The following GRM7 variants were observed in gnomAD, a reference collection of about 807,000 sequenced individuals.
The protein encoded by GRM7 is glutamate metabotropic receptor 7, also known as metabotropic glutamate receptor 7.
GRM7 carries 35 observed loss-of-function variants against 84.5 expected under a neutral mutation model. The ratio of observed to expected loss-of-function variants is 0.41; its 90% CI spans 0.32 to 0.55. GRM7 has a LOEUF of 0.55. Ranked by LOEUF, GRM7 falls within the 20% of genes least tolerant of loss-of-function variation. The probability of loss-of-function intolerance (pLI) is 0.19; values close to 1 mark genes in which losing one functional copy is unlikely to be tolerated. For synonymous variants in GRM7, 487 were observed against 455.1 expected, an observed-to-expected ratio of 1.07 and a Z score of -0.89; for missense variants, 1,003 against 1,194.6, an observed-to-expected ratio of 0.84 and a Z score of 2.36.
chr3:7,461,166 T>C (rs1187725354), intron 6 of GRM7, among the ~76,000 whole-genome samples: 5 of 152,218 alleles, frequency 3.3e-5, no homozygotes, highest in Admixed American at 1.3e-4. Flanking sequence ...ATTAATTTGT[T>C]GTTTTTGAAA....
At chr3:7,369,081 C>A (rs997980365) in intron 4 of GRM7, among the ~76,000 whole-genome samples, 3 of 151,978 alleles carry the variant, frequency 2.0e-5, no homozygotes, top group African/African-American at 7.2e-5. Context: ...TTTTAAGAGG[C>A]AGGGTCTTTC....
intron 7 of GRM7, among the ~76,000 whole-genome samples, chr3:7,529,845 AC>A (rs1700959355): frequency 6.6e-6 from 1 of 151,898 alleles, no homozygotes; most frequent in Non-Finnish European, 1.5e-5. Context: ...AACCTGGGGA[AC>A]AAATAAGCTG....
At chr3:7,445,687 G>C (rs999025248) in intron 5 of GRM7, among the ~76,000 whole-genome samples, 1 of 152,140 alleles carries the variant, frequency 6.6e-6, no homozygotes, top group Non-Finnish European at 1.5e-5. Flanking sequence ...TCTAAATGTG[G>C]ACACTATGAA....
intron 8 of GRM7, among the ~76,000 whole-genome samples, chr3:7,609,176 G>A (rs1176705932): frequency 1.3e-5 from 2 of 152,040 alleles, no homozygotes; most frequent in African/African-American, 4.8e-5. Context: ...TCCTCAAAGT[G>A]GCAAGAAAGA....
At chr3:7,512,813 G>C (rs1468624966) in intron 7 of GRM7, among the ~76,000 whole-genome samples, 1 of 152,064 alleles carries the variant, frequency 6.6e-6, no homozygotes, top group African/African-American at 2.4e-5. Flanking sequence ...ACGTTTTTGG[G>C]GGAGTGCAGA....
intron 9 of GRM7, among the ~76,000 whole-genome samples, chr3:7,689,931 A>G (rs987799669): frequency 3.3e-5 from 5 of 152,068 alleles, no homozygotes; most frequent in Non-Finnish European, 7.4e-5. Context: ...TAAGTAATAG[A>G]CTCAAAGGTG....
intron 7 of GRM7, among the ~76,000 whole-genome samples, chr3:7,493,399 T>C (rs1699593020): frequency 7.0e-6 from 1 of 143,690 alleles, no homozygotes; most frequent in African/African-American, 2.8e-5. Context: ...GATTGATCCT[T>C]TTTTTTTCTC....
intron 7 of GRM7, among the ~76,000 whole-genome samples, chr3:7,498,501 A>G (rs1398187662): frequency 6.6e-6 from 1 of 152,160 alleles, no homozygotes; most frequent in Non-Finnish European, 1.5e-5. Context: ...GTGTTCTAAT[A>G]ATTAGGAGTG....
At chr3:7,401,308 G>A (rs76672332) in intron 4 of GRM7, among the ~76,000 whole-genome samples, 1 of 152,276 alleles carries the variant, frequency 6.6e-6, no homozygotes, top group African/African-American at 2.4e-5. Flanking sequence ...TCAGAGTGCT[G>A]CCTGCTCCTT....
intron 1 of GRM7, among the ~76,000 whole-genome samples, chr3:7,112,981 G>C (rs113529446): frequency 3.3e-3 from 502 of 152,216 alleles, no homozygotes; most frequent in Middle Eastern, 0.01. Flanking sequence ...GACAGCACTA[G>C]CATCAAACTT....
chr3:7,052,421 A>AATTT (rs1290789137), intron 1 of GRM7, among the ~76,000 whole-genome samples: 1 of 151,594 alleles, frequency 6.6e-6, no homozygotes, highest in African/African-American at 2.4e-5. Context: ...TTACATATAA[A>AATTT]ATTTATCAAT....
intron 1 of GRM7, among the ~76,000 whole-genome samples, chr3:6,968,022 A>G (rs1693596282): frequency 6.6e-6 from 1 of 152,206 alleles, no homozygotes; most frequent in Admixed American, 6.5e-5. Flanking sequence ...AGACTTGTGT[A>G]TTCCCTAGGG....
At chr3:7,183,701 TAAAG>T (rs1695421683) in intron 2 of GRM7, among the ~76,000 whole-genome samples, 1 of 152,278 alleles carries the variant, frequency 6.6e-6, no homozygotes, top group African/African-American at 2.4e-5. Flanking sequence ...GAGTCTGGCA[TAAAG>T]AAAGTGCTTA....
intron 8 of GRM7, among the ~76,000 whole-genome samples, chr3:7,609,001 C>T (rs1442318064): frequency 3.9e-5 from 6 of 152,102 alleles, no homozygotes; most frequent in East Asian, 1.9e-4. Context: ...TTTTTGTCAG[C>T]TTTGTCAAAG....
intron 8 of GRM7, among the ~76,000 whole-genome samples, chr3:7,653,809 G>A (rs559860882): frequency 2.8e-4 from 42 of 152,270 alleles, no homozygotes; most frequent in Admixed American, 1.4e-3. Flanking sequence ...TCCTTTGAGC[G>A]TCACCTTGAT....
chr3:7,351,998 A>G (rs888145746), intron 4 of GRM7, among the ~76,000 whole-genome samples: 3 of 151,314 alleles, frequency 2.0e-5, no homozygotes, highest in Non-Finnish European at 4.4e-5. Context: ...ATTCCCCCTG[A>G]TAAATATATT....
rs190083468 is a variant in GRM7, at chr3:7,740,768, G to A, written c.*362G>A. On this transcript the variant is annotated 3_prime_UTR_variant, in exon 10 of 10. Coordinates refer to ENST00000357716, the MANE Select transcript of GRM7 (RefSeq NM_000844.4). ...TTACGTATGTACTTCTAGGTTGCAA[G>A]GTTTTGAAATTTTCTGTACAGTTTG... is the stretch of plus-strand genomic sequence containing the variant. 12 of 184,168 alleles carry A rather than the reference G, an allele frequency of 6.5e-5. No homozygotes were observed. Among genetic ancestry groups the A allele is most frequent in the African/African-American group, 2.6e-4 (11 of 42,954 alleles). 11.4% of individuals were successfully genotyped at this position (184,168 alleles called of 1,614,324 possible). A position where few individuals can be genotyped will look rare whatever the true frequency, so the allele number is the denominator to read the frequency against.
chr3:7,112,287 C>T (rs899873546), intron 1 of GRM7, among the ~76,000 whole-genome samples: 12 of 151,328 alleles, frequency 7.9e-5, no homozygotes, highest in Non-Finnish European at 1.2e-4. Context: ...TGCAGTGGCA[C>T]GATCTCAGCT....
intron 1 of GRM7, among the ~76,000 whole-genome samples, chr3:6,954,279 T>A (rs561089539): frequency 7.7e-4 from 118 of 152,338 alleles, no homozygotes; most frequent in African/African-American, 2.5e-3. Context: ...ACCTTGTTGT[T>A]AACTATAGTC....
Sources: gnomAD v4.1 joint callset for allele counts (sites outside exome capture counted in the v4.1 genomes callset) on GRCh38, gnomAD v4.1.1 for gene constraint, MANE v1.5 for transcripts, NCBI Gene and HGNC (gene_info 2026-07-23, HGNC 2026-07-21) for gene names.